Variants in EBF2 observed in about 807,000 individuals in gnomAD.
The protein encoded by EBF2 is transcription factor COE2.
In EBF2, 21 loss-of-function variants were observed where a neutral mutation model predicts 72.8. The observed-to-expected ratio is 0.29, with a 90% CI of 0.20 to 0.42. EBF2 has a LOEUF of 0.42. Among genes scored for constraint, EBF2 ranks in the 10% least tolerant of loss-of-function variants. The pLI, the probability that EBF2 is intolerant of heterozygous loss-of-function variation, is 1.00. For synonymous variants in EBF2, 299 were observed against 274.2 expected (o/e 1.09, Z -0.89); for missense variants, 637 against 731.2 (o/e 0.87, Z 1.49).
Position 26,044,099 on chromosome 8 carries a change from A to G in EBF2, c.131+630T>C, listed in dbSNP as rs910548044. Among the ~76,000 whole-genome samples, 1 of 152,090 alleles carries G rather than the reference A, an allele frequency of 6.6e-6. No individual in the cohort carries two copies. The highest frequency in any genetic ancestry group is 1.5e-5 in the Non-Finnish European group (1 of 68,016). ...TTCTTTTAAATCTCTTCTTTTCTCC[A>G]GTTCCCTAGCTCCGTTCGTCTGGCT... On this transcript the variant is annotated intron_variant, in intron 1 of 15. Coordinates refer to ENST00000520164, the MANE Select transcript of EBF2 (RefSeq NM_022659.4). This position sits in a 1 kb window ranked among gnomAD's most constrained non-coding sequence, Gnocchi z 4.1.
At chr8:26,009,761 G>GA (rs1804946141) in intron 6 of EBF2, among the ~76,000 whole-genome samples, 1 of 152,148 alleles carries the variant, frequency 6.6e-6, no homozygotes, top group Non-Finnish European at 1.5e-5. Flanking sequence ...GAGGGTAGAA[G>GA]AAAAAACTGT....
chr8:26,026,640 A>G (rs1024529550), intron 6 of EBF2, among the ~76,000 whole-genome samples: 1 of 152,164 alleles, frequency 6.6e-6, no homozygotes, highest in Non-Finnish European at 1.5e-5. Context: ...ATCTCAAGTT[A>G]AATGCTACTT....
At chr8:25,970,830 T>C (rs1362228612) in intron 6 of EBF2, among the ~76,000 whole-genome samples, 1 of 152,124 alleles carries the variant, frequency 6.6e-6, no homozygotes, top group East Asian at 1.9e-4. Flanking sequence ...ACTTTATTTA[T>C]TTATTTCATT....
chr8:25,978,964 G>A (rs574868643), intron 6 of EBF2, among the ~76,000 whole-genome samples: 38 of 152,286 alleles, frequency 2.5e-4, no homozygotes, highest in African/African-American at 8.9e-4. Flanking sequence ...CTTCAGGCTG[G>A]AAAACGGGCT....
intron 6 of EBF2, among the ~76,000 whole-genome samples, chr8:25,909,275 A>T (rs779679900): frequency 1.8e-4 from 27 of 152,186 alleles, no homozygotes; most frequent in Non-Finnish European, 3.8e-4. Flanking sequence ...GGCATCTTTC[A>T]TCAGGCAACT....
At chr8:25,945,297 C>T (rs1489284890) in intron 6 of EBF2, among the ~76,000 whole-genome samples, 2 of 152,144 alleles carry the variant, frequency 1.3e-5, no homozygotes, top group African/African-American at 4.8e-5. Context: ...CTCCCCCATT[C>T]TATATTTATA....
intron 6 of EBF2, among the ~76,000 whole-genome samples, chr8:25,977,667 T>C (rs1262892790): frequency 6.6e-6 from 1 of 152,200 alleles, no homozygotes; most frequent in Non-Finnish European, 1.5e-5. Context: ...TGGTCCTCTC[T>C]GATCTCACCC....
chr8:25,886,774 T>C lies in EBF2; in HGVS notation c.990A>G (p.Pro330=). 6.2e-7 allele frequency: 1 copy of C among 1,610,760 alleles called. No homozygotes were observed. The highest frequency in any genetic ancestry group is 8.5e-7 in the Non-Finnish European group (1 of 1,178,328). The change falls in exon 10 of 16, where the codon CCA becomes CCG. Residue 330 remains proline (P), a synonymous_variant. Coordinates refer to ENST00000520164, the MANE Select transcript of EBF2 (RefSeq NM_022659.4). ...YKSKQFCKGA[P]GRFIYTALNE... ...ACCTACCTGTGTAAATGAACCTTCC[T>C]GGGGCTCCTTTGCAGAACTGTTTAG...
At chr8:25,962,129 T>C (rs1320050939) in intron 6 of EBF2, among the ~76,000 whole-genome samples, 4 of 152,008 alleles carry the variant, frequency 2.6e-5, no homozygotes, top group Admixed American at 2.0e-4. Flanking sequence ...TGTTTTCTTC[T>C]CCATTCAAAC....
At chr8:25,997,284 A>T (rs1804648979) in intron 6 of EBF2, among the ~76,000 whole-genome samples, 1 of 152,120 alleles carries the variant, frequency 6.6e-6, no homozygotes, top group African/African-American at 2.4e-5. Context: ...AAAAAGAAAA[A>T]ATTAGGCCAG....
chr8:25,932,643 C>A (rs574805300), intron 6 of EBF2, among the ~76,000 whole-genome samples: 3 of 152,086 alleles, frequency 2.0e-5, no homozygotes, highest in Non-Finnish European at 4.4e-5. Context: ...GCTGTCTGGC[C>A]GCAGCTGATC....
chr8:25,915,879 C>T (rs149671229), intron 6 of EBF2, among the ~76,000 whole-genome samples: 14 of 152,208 alleles, frequency 9.2e-5, no homozygotes, highest in African/African-American at 2.9e-4. Context: ...GTCCAATATG[C>T]GGCAGCTAAC....
intron 6 of EBF2, among the ~76,000 whole-genome samples, chr8:25,983,099 C>T (rs1804389308): frequency 6.6e-6 from 1 of 152,048 alleles, no homozygotes; most frequent in Admixed American, 6.5e-5. Flanking sequence ...TGCACGAGCA[C>T]GTTCAAATCA....
intron 6 of EBF2, among the ~76,000 whole-genome samples, chr8:25,979,845 C>T (rs891029227): frequency 6.6e-6 from 1 of 152,128 alleles, no homozygotes; most frequent in Non-Finnish European, 1.5e-5. Flanking sequence ...CTGTTCCGGC[C>T]ACAAAATAGA....
intron 6 of EBF2, among the ~76,000 whole-genome samples, chr8:25,909,287 C>T (rs1803088365): frequency 6.6e-6 from 1 of 152,032 alleles, no homozygotes; most frequent in Non-Finnish European, 1.5e-5. Flanking sequence ...CAGGCAACTA[C>T]GTTAACCAAG....
At chr8:25,896,205 G>C (rs967579273) in intron 7 of EBF2, among the ~76,000 whole-genome samples, 2 of 152,194 alleles carry the variant, frequency 1.3e-5, no homozygotes, top group African/African-American at 4.8e-5. Flanking sequence ...AGTCACTAGA[G>C]AATAATTACA....
chr8:25,845,380 C>A (rs1277491662), intron 15 of EBF2, among the ~76,000 whole-genome samples: 1 of 152,106 alleles, frequency 6.6e-6, no homozygotes, highest in South Asian at 2.1e-4. Context: ...ACTACAGGTG[C>A]ATGCCACCAT....
At chr8:26,024,993 G>T (rs551422020) in intron 6 of EBF2, among the ~76,000 whole-genome samples, 1 of 152,172 alleles carries the variant, frequency 6.6e-6, no homozygotes, top group Admixed American at 6.5e-5. Flanking sequence ...CCCTGAACAA[G>T]AGTAAGAATT....
chr8:25,850,815 A>G (rs1397467595), intron 14 of EBF2, 54 bp from the exon 15 acceptor site: 10 of 1,521,944 alleles, frequency 6.6e-6, no homozygotes, highest in Non-Finnish European at 7.9e-6. Context: ...CCTTCAGTTC[A>G]CACATTTGGC....
Sources: gnomAD v4.1 joint callset for allele counts (sites outside exome capture counted in the v4.1 genomes callset) on GRCh38, gnomAD v4.1.1 for gene constraint, Gnocchi (gnomAD v3.1) non-coding constraint, MANE v1.5 for transcripts, NCBI Gene and HGNC (gene_info 2026-07-23, HGNC 2026-07-21) for gene names.